The following KLHL25 variants were observed in gnomAD, a reference collection of about 807,000 sequenced individuals.
KLHL25 encodes kelch-like protein 25.
A neutral mutation model predicts 30.0 loss-of-function variants in KLHL25; 41 were observed. The ratio of observed to expected loss-of-function variants is 1.37; its 90% CI spans 1.07 to 1.78. KLHL25 has a LOEUF of 1.78. Among genes scored for constraint, KLHL25 ranks in the 40% most tolerant of loss-of-function variants. The pLI is 0.00. For missense variants in KLHL25, 971 were observed against 824.5 expected (o/e 1.18, Z -2.18); for synonymous variants, 399 against 355.3 (o/e 1.12, Z -1.38).
chr15:85,790,635 A>C (rs528190192), intron 1 of KLHL25, among the ~76,000 whole-genome samples: 92 of 152,246 alleles, frequency 6.0e-4, no homozygotes, highest in Admixed American at 5.2e-3. Context: ...CGACTCCCCT[A>C]CTCTGACTCA....
chr15:85,789,958 A>G lies in KLHL25; in HGVS notation c.-11+4808T>C, dbSNP rs887123308. Among the ~76,000 whole-genome samples, 5 of 152,162 alleles carry G rather than the reference A, an allele frequency of 3.3e-5. No homozygotes were observed. The highest frequency in any genetic ancestry group is 2.1e-4 in the South Asian group (1 of 4,826). ...GGAAAATCTGAATCGAGTCTTCAGGAAACTAGGAGCTTGCCTACGTCACCC... is the reference window on the plus strand; with the variant it reads ...GGAAAATCTGAATCGAGTCTTCAGGGAACTAGGAGCTTGCCTACGTCACCC... On this transcript the variant is annotated intron_variant, in intron 1 of 2. Transcript: ENST00000337975. This position sits in a 1 kb window ranked among gnomAD's most constrained non-coding sequence, Gnocchi z 4.1.
At position 85,789,728 on chromosome 15, in the gene KLHL25, C is replaced by T. The variant is rs1434948341; in HGVS notation, c.-11+5038G>A. Reference sequence around the variant, plus strand: ...GCTCCCTGCCCACGACCAGTCAGAGCGATGGCCCTGAGAAATGAGTAACCC... The same window carrying T: ...GCTCCCTGCCCACGACCAGTCAGAGTGATGGCCCTGAGAAATGAGTAACCC... On this transcript the variant is annotated intron_variant, in intron 1 of 2. Coordinates refer to ENST00000337975, the MANE Select transcript of KLHL25 (RefSeq NM_022480.4). The surrounding 1 kb of genome is among the most constrained non-coding windows in gnomAD (Gnocchi z 4.1). Among the ~76,000 whole-genome samples, 2 of 152,070 alleles carry T rather than the reference C, an allele frequency of 1.3e-5. No individual in the cohort carries two copies. The highest frequency in any genetic ancestry group is 2.9e-5 in the Non-Finnish European group (2 of 68,016).
At chr15:85,788,595 G>A (rs2089796709) in intron 1 of KLHL25, among the ~76,000 whole-genome samples, 1 of 152,098 alleles carries the variant, frequency 6.6e-6, no homozygotes, top group African/African-American at 2.4e-5. Context: ...TGAGGAAACT[G>A]AGGCAGATTC....
At position 85,768,516 on chromosome 15, in the gene KLHL25, TC is replaced by T. The variant is rs1567238350; in HGVS notation, c.1294del (p.Asp432MetfsTer9). 4 of 1,613,744 alleles carry T rather than the reference TC, an allele frequency of 2.5e-6. No individual in the cohort carries two copies. Among genetic ancestry groups the T allele is most frequent in the Non-Finnish European group, 8.5e-7 (1 of 1,179,966 alleles). On this transcript the variant is annotated frameshift_variant, in exon 2 of 3. Transcript: ENST00000337975. LOFTEE classifies it high-confidence loss of function. ...NKWMMVAPLR[D>X]GVSNAAVVSA... is the part of the protein sequence containing the mutation. The stretch of plus-strand genomic sequence containing the variant: ...CACCACTGCGGCATTGCTGACGCCA[TC>T]CCGCAAGGGGGCCACCATCATCCAC...
rs1050630963 is a variant in KLHL25, at chr15:85,776,873, C to T, written c.-10-7053G>A. Among the ~76,000 whole-genome samples the T allele has an allele frequency of 3.3e-5, 5 of 151,782 alleles. No homozygotes were observed. In the South Asian group the frequency reaches 6.3e-4, roughly 19 times the overall value. Reference sequence around the variant, plus strand: ...TCAGGAGGCGGAGGTTGCAGTGAGCCGAGATGCCACCATCGCACTCCAGCC... The same window carrying T: ...TCAGGAGGCGGAGGTTGCAGTGAGCTGAGATGCCACCATCGCACTCCAGCC... On this transcript the variant is annotated intron_variant, in intron 1 of 2. Coordinates refer to ENST00000337975, the MANE Select transcript of KLHL25 (RefSeq NM_022480.4).
intron 1 of KLHL25, chr15:85,771,200 T>TG (rs2089669089): frequency 1.3e-5 from 1 of 74,996 alleles, no homozygotes; most frequent in Non-Finnish European, 3.3e-5. Context: ...GAATTAAGCC[T>TG]GAAAAAAAAA....
intron 1 of KLHL25, among the ~76,000 whole-genome samples, chr15:85,793,361 A>C (rs557907874): frequency 3.9e-5 from 6 of 152,322 alleles, no homozygotes; most frequent in Non-Finnish European, 8.8e-5. Context: ...CAAATGACTC[A>C]AAACTGAAAT....
Position 85,760,657 on chromosome 15 carries a change from C to G in KLHL25, c.*379G>C, listed in dbSNP as rs796904472. On this transcript the variant is annotated 3_prime_UTR_variant, in exon 3 of 3. Transcript: ENST00000337975. ...GGCAGTGCCGCAGCCCCAAAGCCCA[C>G]CCGGGGCGCCTCCCTGCCCCTGCCT... The G allele has an allele frequency of 6.6e-5, 10 of 152,666 alleles. No individual in the cohort carries two copies. Among genetic ancestry groups the G allele is most frequent in the African/African-American group, 2.4e-4 (10 of 41,602 alleles). The allele number at this position is 152,666 out of a possible 1,614,324, so 9.5% of individuals were successfully genotyped here.
At chr15:85,791,580 A>G (rs1486906217) in intron 1 of KLHL25, among the ~76,000 whole-genome samples, 1 of 152,168 alleles carries the variant, frequency 6.6e-6, no homozygotes, top group Non-Finnish European at 1.5e-5. Context: ...GGAAAGCAGG[A>G]AAGGTTTAGC....
At chr15:85,790,405 T>C (rs1270595391) in intron 1 of KLHL25, among the ~76,000 whole-genome samples, 2 of 152,200 alleles carry the variant, frequency 1.3e-5, no homozygotes, top group Admixed American at 6.5e-5. Context: ...GACTTCTAAA[T>C]TGGCCCCTCT....
At chr15:85,785,515 G>A (rs1049123341) in intron 1 of KLHL25, among the ~76,000 whole-genome samples, 14 of 151,872 alleles carry the variant, frequency 9.2e-5, no homozygotes, top group African/African-American at 3.4e-4. Context: ...CAGCTTTGGA[G>A]CTGCCCTGGC....
At chr15:85,794,341 G>A (rs767074435) in intron 1 of KLHL25, among the ~76,000 whole-genome samples, 1 of 152,206 alleles carries the variant, frequency 6.6e-6, no homozygotes. Context: ...GCAGCCATCC[G>A]GCCTGGGCGT....
chr15:85,790,220 C>T (rs896668213), intron 1 of KLHL25, among the ~76,000 whole-genome samples: 1 of 152,218 alleles, frequency 6.6e-6, no homozygotes, highest in Non-Finnish European at 1.5e-5. Context: ...TCCCAAGTAG[C>T]TGGGATTACA....
chr15:85,768,536 C>A lies in KLHL25; in HGVS notation c.1275G>T (p.Met425Ile). Residue 425 changes from methionine to isoleucine, a missense_variant, in exon 2 of 3, where the codon ATG (methionine) becomes ATT (isoleucine). Physicochemically the swap from Met to Ile is conservative, Grantham distance 10. Transcript: ENST00000337975. Reference protein sequence around the residue: ...EKYDPGANKWMMVAPLRDGVS... With the variant: ...EKYDPGANKWIMVAPLRDGVS... ...CGCCATCCCGCAAGGGGGCCACCAT[C>A]ATCCACTTGTTGGCCCCAGGGTCGT... 1 of 1,613,678 alleles carries A rather than the reference C, an allele frequency of 6.2e-7. No homozygotes were observed. The highest frequency in any genetic ancestry group is 8.5e-7 in the Non-Finnish European group (1 of 1,179,858).
rs1453165417 is a variant in KLHL25 at position 85,768,190 on chromosome 15, A to T, written c.1621T>A (p.Tyr541Asn). ...GTCCCAAAGTAGCCCCCGACCACATAGAGCTTGTTGCCGGAAGCCAGGGCA... is the reference window on the plus strand; with the variant it reads ...GTCCCAAAGTAGCCCCCGACCACATTGAGCTTGTTGCCGGAAGCCAGGGCA... ...CHALASGNKL[Y>N]VVGGYFGTQR... The change falls in exon 2 of 3, where the codon TAT becomes AAT. Residue 541 changes from tyrosine to asparagine, a missense_variant. Tyr to Asn is a moderately radical substitution (Grantham distance 143). Coordinates refer to ENST00000337975, the MANE Select transcript of KLHL25 (RefSeq NM_022480.4). The T allele has an allele frequency of 6.2e-7, 1 of 1,613,962 alleles. No homozygotes were observed. Among genetic ancestry groups the T allele is most frequent in the South Asian group, 1.1e-5 (1 of 91,080 alleles).
At chr15:85,791,421 G>A (rs2151814349) in intron 1 of KLHL25, among the ~76,000 whole-genome samples, 1 of 152,140 alleles carries the variant, frequency 6.6e-6, no homozygotes, top group South Asian at 2.1e-4. Flanking sequence ...CTTGAATCCA[G>A]GAGGCAGAAG....
chr15:85,783,373 C>T (rs2089757811), intron 1 of KLHL25, among the ~76,000 whole-genome samples: 1 of 151,894 alleles, frequency 6.6e-6, no homozygotes. Flanking sequence ...GGATTACAGG[C>T]ATGAGCCACT....
intron 1 of KLHL25, among the ~76,000 whole-genome samples, chr15:85,781,900 G>C (rs1461146360): frequency 1.3e-5 from 2 of 152,106 alleles, no homozygotes; most frequent in Non-Finnish European, 2.9e-5. Flanking sequence ...TTTGTACTGT[G>C]ATGCACTAGA....
chr15:85,779,284 T>C (rs375512620), intron 1 of KLHL25, among the ~76,000 whole-genome samples: 10 of 152,114 alleles, frequency 6.6e-5, no homozygotes, highest in African/African-American at 2.4e-4. Flanking sequence ...GTGTTGTCTT[T>C]TACTGACATT....
Sources: allele counts gnomAD v4.1 joint callset (sites outside exome capture counted in the v4.1 genomes callset), GRCh38; gene constraint gnomAD v4.1.1; non-coding constraint Gnocchi (gnomAD v3.1); transcripts MANE v1.5; gene names NCBI Gene and HGNC (gene_info 2026-07-23, HGNC 2026-07-21).